The following SMAD3 variants were observed in gnomAD, a reference collection of about 807,000 sequenced individuals.
SMAD3 encodes MAD homolog 3.
A neutral mutation model predicts 51.8 loss-of-function variants in SMAD3; 12 were observed. The ratio of observed to expected loss-of-function variants is 0.23; its 90% CI spans 0.15 to 0.38. The LOEUF is 0.38. Among genes scored for constraint, SMAD3 ranks in the 10% least tolerant of loss-of-function variants. The probability of loss-of-function intolerance (pLI) is 1.00; values close to 1 mark genes in which losing one functional copy is unlikely to be tolerated. For missense variants in SMAD3, 294 were observed against 565.6 expected, an observed-to-expected ratio of 0.52 and a Z score of 4.87; for synonymous variants, 238 against 227.7, an observed-to-expected ratio of 1.05 and a Z score of -0.41.
In SMAD3 at chr15:67,194,153, A is replaced by T. The variant is rs1683695606; in HGVS notation, c.*3617A>T. 1.7e-5 allele frequency: 4 copies of T among 233,398 alleles called. No homozygotes were observed. Among genetic ancestry groups the T allele is most frequent in the African/African-American group, 4.4e-5 (2 of 45,362 alleles). 14.5% of individuals were successfully genotyped at this position (233,398 alleles called of 1,614,324 possible). Reference sequence around the variant, plus strand: ...CTAGAGTTGGGAGTTCCCCCAAAATAAACGTGTCCCCATTTTACCAGAACC... The same window carrying T: ...CTAGAGTTGGGAGTTCCCCCAAAATTAACGTGTCCCCATTTTACCAGAACC... On this transcript the variant is annotated 3_prime_UTR_variant, in exon 9 of 9. Transcript: ENST00000327367.
intron 1 of SMAD3, among the ~76,000 whole-genome samples, chr15:67,141,097 A>T (rs1488373639): frequency 6.6e-6 from 1 of 152,166 alleles, no homozygotes; most frequent in African/African-American, 2.4e-5. Flanking sequence ...GCCCAGACCG[A>T]TCAATTGATG....
intron 1 of SMAD3, among the ~76,000 whole-genome samples, chr15:67,120,912 G>A (rs1347182661): frequency 1.3e-5 from 2 of 152,076 alleles, no homozygotes; most frequent in African/African-American, 4.8e-5. Flanking sequence ...CGTATTTTAT[G>A]TGTGGCCCAA....
At chr15:67,162,097 C>T (rs1304609736) in intron 1 of SMAD3, among the ~76,000 whole-genome samples, 1 of 152,176 alleles carries the variant, frequency 6.6e-6, no homozygotes, top group Non-Finnish European at 1.5e-5. Context: ...TGACCAAGCC[C>T]AGCTATGACC....
chr15:67,066,102 C>T lies in SMAD3; in HGVS notation c.-53C>T. The T allele has an allele frequency of 1.4e-6, 2 of 1,443,334 alleles. No homozygotes were observed. The highest frequency in any genetic ancestry group is 1.9e-6 in the Non-Finnish European group (2 of 1,055,300). 89.4% of individuals were successfully genotyped at this position (1,443,334 alleles called of 1,614,324 possible). Reference sequence around the variant, plus strand: ...CCCCTCTGCGCCCCCGGCGTCCCGTCGAGCCCAGCCCCGCCGGGGGCGCTC... The same window carrying T: ...CCCCTCTGCGCCCCCGGCGTCCCGTTGAGCCCAGCCCCGCCGGGGGCGCTC... On this transcript the variant is annotated 5_prime_UTR_variant, in exon 1 of 9. Coordinates refer to ENST00000327367, the MANE Select transcript of SMAD3 (RefSeq NM_005902.4).
At chr15:67,084,860 A>G (rs1960355904) in intron 1 of SMAD3, among the ~76,000 whole-genome samples, 1 of 152,232 alleles carries the variant, frequency 6.6e-6, no homozygotes, top group East Asian at 1.9e-4. Flanking sequence ...CAGGTTGGTT[A>G]GAGATGTGGA....
At chr15:67,134,565 C>T (rs945628420) in intron 1 of SMAD3, among the ~76,000 whole-genome samples, 1 of 151,852 alleles carries the variant, frequency 6.6e-6, no homozygotes, top group African/African-American at 2.4e-5. Context: ...GGGCTTACAG[C>T]GACCCTACCT....
rs1304126587 is a variant in SMAD3 at position 67,187,390 on chromosome 15, C to T, written c.1035C>T (p.Asn345=). ...PPGCNLKIFN[N]QEFAALLAQS... ...GATGCAACCTGAAGATCTTCAACAA[C>T]CAGGAGTTCGCTGCCCTCCTGGCCC... The change falls in exon 8 of 9, where the codon AAC becomes AAT. Residue 345 remains asparagine, a synonymous_variant. Coordinates refer to ENST00000327367, the MANE Select transcript of SMAD3 (RefSeq NM_005902.4). The T allele has an allele frequency of 6.2e-7, 1 of 1,614,084 alleles. No homozygotes were observed. The highest frequency in any genetic ancestry group is 8.5e-7 in the Non-Finnish European group (1 of 1,180,050).
At chr15:67,098,220 T>C (rs1213667257) in intron 1 of SMAD3, among the ~76,000 whole-genome samples, 1 of 152,136 alleles carries the variant, frequency 6.6e-6, no homozygotes, top group Non-Finnish European at 1.5e-5. Context: ...AAGCAGTTAC[T>C]TTGTTTGGGC....
chr15:67,181,398 G>A lies in SMAD3; in HGVS notation c.816G>A (p.Gly272=), dbSNP rs1320490523. ...DPSNSERFCL[G]LLSNVNRNAA... ...CCAATTCGGAGCGCTTCTGCCTAGG[G>A]CTGCTCTCCAATGTCAACAGGAATG... Residue 272 remains glycine (G), a synonymous_variant, in exon 6 of 9, where the codon GGG becomes GGA. Coordinates refer to ENST00000327367, the MANE Select transcript of SMAD3 (RefSeq NM_005902.4). 3 of 1,614,092 alleles carry A rather than the reference G, an allele frequency of 1.9e-6. No individual in the cohort carries two copies. Among genetic ancestry groups the A allele is most frequent in the Non-Finnish European group, 2.5e-6 (3 of 1,180,022 alleles).
chr15:67,164,849 C>T lies in SMAD3; in HGVS notation c.207-46C>T, dbSNP rs761800423. Reference sequence around the variant, plus strand: ...GAGGCCGGACTCTGCAGAAAGCAAGCACAATCCACATTTCCCTCTCTTTCT... The same window carrying T: ...GAGGCCGGACTCTGCAGAAAGCAAGTACAATCCACATTTCCCTCTCTTTCT... On this transcript the variant is annotated intron_variant, in intron 1 of 8. Coordinates refer to ENST00000327367, the MANE Select transcript of SMAD3 (RefSeq NM_005902.4). 11 of 1,595,648 alleles carry T rather than the reference C, an allele frequency of 6.9e-6. No homozygotes were observed. In the East Asian group the frequency reaches 1.8e-4, roughly 26 times the overall value.
chr15:67,134,014 C>T (rs116266431), intron 1 of SMAD3, among the ~76,000 whole-genome samples: 323 of 152,038 alleles, frequency 2.1e-3, no homozygotes, highest in African/African-American at 6.9e-3. Context: ...GATATTTTCA[C>T]GTTTAGCACC....
chr15:67,156,228 A>C (rs184165429), intron 1 of SMAD3, among the ~76,000 whole-genome samples: 2 of 152,324 alleles, frequency 1.3e-5, no homozygotes, highest in Non-Finnish European at 2.9e-5. Flanking sequence ...AGCAGATGGG[A>C]AATGTAAAGA....
chr15:67,182,162 G>A (rs977013904), intron 6 of SMAD3, among the ~76,000 whole-genome samples: 2 of 152,158 alleles, frequency 1.3e-5, no homozygotes, highest in Admixed American at 6.5e-5. Flanking sequence ...TTGGAAGAGT[G>A]ATCTTCTCTT....
At chr15:67,102,386 C>G (rs1367688794) in intron 1 of SMAD3, among the ~76,000 whole-genome samples, 1 of 152,050 alleles carries the variant, frequency 6.6e-6, no homozygotes, top group Non-Finnish European at 1.5e-5. Context: ...TTGTTATGTT[C>G]ATACACATAC....
At chr15:67,121,081 C>T (rs531672170) in intron 1 of SMAD3, among the ~76,000 whole-genome samples, 5 of 152,188 alleles carry the variant, frequency 3.3e-5, no homozygotes, top group Non-Finnish European at 5.9e-5. Context: ...GTATCTGTAA[C>T]ATAATAATAT....
At chr15:67,115,400 G>A (rs1273687408) in intron 1 of SMAD3, among the ~76,000 whole-genome samples, 1 of 152,152 alleles carries the variant, frequency 6.6e-6, no homozygotes, top group Non-Finnish European at 1.5e-5. Flanking sequence ...CTGCTTTGAT[G>A]GAAATGTGAT....
intron 1 of SMAD3, among the ~76,000 whole-genome samples, chr15:67,126,781 G>A (rs1419737340): frequency 1.3e-5 from 2 of 152,224 alleles, no homozygotes; most frequent in East Asian, 3.9e-4. Context: ...AGCTCCGACA[G>A]TAGAGTCTGG....
chr15:67,080,612 G>A (rs1960260619), intron 1 of SMAD3, among the ~76,000 whole-genome samples: 1 of 152,206 alleles, frequency 6.6e-6, no homozygotes, highest in African/African-American at 2.4e-5. Context: ...GGCTTCAAAG[G>A]GACTATTGGC....
rs192721572 is a variant in SMAD3, at chr15:67,078,573, T to G, written c.206+12213T>G. 4.0e-4 allele frequency among the ~76,000 whole-genome samples: 61 copies of G among 152,340 alleles called. 1 individual carries two copies. Among genetic ancestry groups the G allele is most frequent in the South Asian group, 1.5e-3 (7 of 4,826 alleles). On this transcript the variant is annotated intron_variant, in intron 1 of 8. Coordinates refer to ENST00000327367, the MANE Select transcript of SMAD3 (RefSeq NM_005902.4). Reference sequence around the variant, plus strand: ...TTCATTCCTTTTATCATTGAGAGATTGGTTATTATTTACCTCGCCTTTAGA... The same window carrying G: ...TTCATTCCTTTTATCATTGAGAGATGGGTTATTATTTACCTCGCCTTTAGA...
Sources: gnomAD v4.1 joint callset for allele counts (sites outside exome capture counted in the v4.1 genomes callset) on GRCh38, gnomAD v4.1.1 for gene constraint, MANE v1.5 for transcripts, NCBI Gene and HGNC (gene_info 2026-07-23, HGNC 2026-07-21) for gene names.